Variants in SLC9A9 observed in about 807,000 individuals in gnomAD.
SLC9A9 encodes the protein solute carrier family 9 member A9, also known as sodium/hydrogen exchanger 9.
SLC9A9 carries 62 observed loss-of-function variants against 77.8 expected under a neutral mutation model. That is an observed-to-expected ratio of 0.80 (90% CI 0.65 to 0.98). The LOEUF (loss-of-function observed/expected upper bound fraction) is 0.98, where lower values mean the gene tolerates loss of function less well. SLC9A9 is among the 50% of genes least tolerant of loss of function. The probability of loss-of-function intolerance (pLI) is 0.00; values close to 1 mark genes in which losing one functional copy is unlikely to be tolerated. For missense variants in SLC9A9, 775 were observed against 774.9 expected, an observed-to-expected ratio of 1.00 and a Z score of 0.00; for synonymous variants, 320 against 283.5, an observed-to-expected ratio of 1.13 and a Z score of -1.29.
At chr3:143,800,833 G>A (rs1004785895) in intron 2 of SLC9A9, among the ~76,000 whole-genome samples, 3 of 152,020 alleles carry the variant, frequency 2.0e-5, no homozygotes, top group Non-Finnish European at 2.9e-5. Flanking sequence ...AAAGGATATC[G>A]GGTATTCCCC....
At chr3:143,421,859 CA>C (rs2034302902) in intron 12 of SLC9A9, among the ~76,000 whole-genome samples, 1 of 152,066 alleles carries the variant, frequency 6.6e-6, no homozygotes, top group South Asian at 2.1e-4. Context: ...GGTCTAATAC[CA>C]GAATCTACAG....
intron 4 of SLC9A9, among the ~76,000 whole-genome samples, chr3:143,709,981 T>C (rs1200634827): frequency 6.6e-6 from 1 of 152,226 alleles, no homozygotes; most frequent in Non-Finnish European, 1.5e-5. Context: ...AGCACTGTAA[T>C]GTCCCACCTA....
chr3:143,622,515 A>C (rs868313286), intron 6 of SLC9A9, among the ~76,000 whole-genome samples: 5 of 152,208 alleles, frequency 3.3e-5, no homozygotes, highest in Non-Finnish European at 5.9e-5. Context: ...CAGCCAAACT[A>C]AGCTTCATAA....
chr3:143,432,795 T>C (rs1376389204), intron 12 of SLC9A9, among the ~76,000 whole-genome samples: 1 of 152,172 alleles, frequency 6.6e-6, no homozygotes, highest in Non-Finnish European at 1.5e-5. Flanking sequence ...ACCCGGCTAA[T>C]TTTTGTATTT....
At chr3:143,440,473 T>C (rs2034712811) in intron 12 of SLC9A9, among the ~76,000 whole-genome samples, 1 of 152,198 alleles carries the variant, frequency 6.6e-6, no homozygotes, top group African/African-American at 2.4e-5. Context: ...ACAAGTCATA[T>C]ACATGAAGGC....
At chr3:143,754,432 G>C (rs1057042208) in intron 4 of SLC9A9, among the ~76,000 whole-genome samples, 1 of 152,116 alleles carries the variant, frequency 6.6e-6, no homozygotes, top group Non-Finnish European at 1.5e-5. Context: ...TCCCAAACAC[G>C]ATTATTTTGC....
chr3:143,720,186 G>GTTA (rs144123817), intron 4 of SLC9A9, among the ~76,000 whole-genome samples: 5,139 of 150,642 alleles, frequency 0.034, 288 homozygotes, highest in African/African-American at 0.12. Context: ...TATATGTAGA[G>GTTA]TTATATAAGA....
intron 11 of SLC9A9, among the ~76,000 whole-genome samples, chr3:143,480,575 C>T (rs1358265613): frequency 1.3e-5 from 2 of 152,146 alleles, no homozygotes; most frequent in African/African-American, 4.8e-5. Context: ...AACCCTATCC[C>T]ATCTGGAGAC....
chr3:143,287,651 C>T (rs993330700), intron 14 of SLC9A9, among the ~76,000 whole-genome samples: 9 of 152,190 alleles, frequency 5.9e-5, no homozygotes, highest in African/African-American at 9.7e-5. Flanking sequence ...CCCAGTGCTG[C>T]TATTCATGAA....
intron 6 of SLC9A9, among the ~76,000 whole-genome samples, chr3:143,613,856 T>G (rs1037317800): frequency 3.9e-5 from 6 of 152,186 alleles, no homozygotes; most frequent in African/African-American, 1.4e-4. Context: ...TTGTAACTCA[T>G]TTATTCTTTC....
chr3:143,794,934 G>A (rs1576731065), intron 4 of SLC9A9, 67 bp downstream of exon 4: 2 of 1,381,864 alleles, frequency 1.4e-6, no homozygotes, highest in East Asian at 2.3e-5. Context: ...TCCTGGAAGT[G>A]TTAGATCCCT....
intron 11 of SLC9A9, 32 bp from the exon 12 acceptor site, chr3:143,467,222 G>A (rs748815052): frequency 8.7e-6 from 14 of 1,613,660 alleles, no homozygotes; most frequent in Non-Finnish European, 1.2e-5. Flanking sequence ...GAAAATAAAT[G>A]CCTTGCAGGT....
intron 4 of SLC9A9, among the ~76,000 whole-genome samples, chr3:143,735,110 T>C (rs1934906302): frequency 1.3e-5 from 2 of 152,220 alleles, no homozygotes; most frequent in African/African-American, 2.4e-5. Context: ...AGCATTAATA[T>C]ATGAGACAGC....
intron 6 of SLC9A9, among the ~76,000 whole-genome samples, chr3:143,645,413 G>T (rs1425504790): frequency 6.6e-6 from 1 of 152,172 alleles, no homozygotes; most frequent in African/African-American, 2.4e-5. Context: ...GATATTGTTT[G>T]CCTACTTCAG....
At chr3:143,588,627 C>A (rs1285545720) in intron 6 of SLC9A9, among the ~76,000 whole-genome samples, 1 of 152,162 alleles carries the variant, frequency 6.6e-6, no homozygotes, top group Non-Finnish European at 1.5e-5. Flanking sequence ...AATTACTTTC[C>A]AATTTAGCTT....
chr3:143,444,259 A>G (rs1324755184), intron 12 of SLC9A9, among the ~76,000 whole-genome samples: 1 of 152,200 alleles, frequency 6.6e-6, no homozygotes, highest in Non-Finnish European at 1.5e-5. Flanking sequence ...TCCTTTATGT[A>G]AACAGGGTCA....
intron 6 of SLC9A9, among the ~76,000 whole-genome samples, chr3:143,605,913 T>C (rs1056066683): frequency 2.4e-4 from 36 of 152,142 alleles, no homozygotes; most frequent in African/African-American, 8.7e-4. Context: ...TTTAAACACA[T>C]AGCTGAACTC....
chr3:143,550,374 T>C (rs1261592492), intron 9 of SLC9A9, among the ~76,000 whole-genome samples: 1 of 152,142 alleles, frequency 6.6e-6, no homozygotes, highest in East Asian at 1.9e-4. Context: ...TCTCCATCAT[T>C]GCCTATGTCC....
At chr3:143,808,861 A>T (rs140114448) in intron 2 of SLC9A9, among the ~76,000 whole-genome samples, 201 of 152,338 alleles carry the variant, frequency 1.3e-3, no homozygotes, top group African/African-American at 4.7e-3. Flanking sequence ...GACATCTAGT[A>T]AGCACATTTT....
Sources: allele counts gnomAD v4.1 joint callset (sites outside exome capture counted in the v4.1 genomes callset), GRCh38; gene constraint gnomAD v4.1.1; transcripts MANE v1.5; gene names NCBI Gene and HGNC (gene_info 2026-07-23, HGNC 2026-07-21).